FBLN2: variants seen among roughly 807,000 people sequenced by gnomAD.
FBLN2 encodes the protein fibulin 2, also known as fibulin-2.
Under a neutral mutation model 123.7 loss-of-function variants are expected in FBLN2, and 81 were observed. The observed-to-expected ratio is 0.65, with a 90% CI of 0.55 to 0.79. The LOEUF (loss-of-function observed/expected upper bound fraction) is 0.79. FBLN2 is among the 30% of genes least tolerant of loss of function. FBLN2 has a pLI of 0.00. For missense variants in FBLN2, 1,603 were observed against 1,681.3 expected (o/e 0.95, Z 0.81); for synonymous variants, 699 against 701.4 (o/e 1.00, Z 0.05).
Position 13,619,783 on chromosome 3 carries a change from T to C in FBLN2, c.2107T>C (p.Ser703Pro). Residue 703 changes from serine to proline, a missense_variant, in exon 8 of 18, where the codon TCC becomes CCC. Transcript: ENST00000404922. ...CSTVGGSAICSCFPGYAIMAD... is the reference protein window; with the variant it reads ...CSTVGGSAICPCFPGYAIMAD... Reference sequence around the variant, plus strand: ...CACTGTTGGGGGCTCAGCCATATGCTCCTGTTTTCCCGGCTATGCCATCAT... The same window carrying C: ...CACTGTTGGGGGCTCAGCCATATGCCCCTGTTTTCCCGGCTATGCCATCAT... 1 of 1,613,038 alleles carries C rather than the reference T, an allele frequency of 6.2e-7. No individual in the cohort carries two copies. Among genetic ancestry groups the C allele is most frequent in the Non-Finnish European group, 8.5e-7 (1 of 1,179,444 alleles).
intron 2 of FBLN2, among the ~76,000 whole-genome samples, chr3:13,600,076 A>C (rs900547458): frequency 1.8e-5 from 2 of 113,336 alleles, no homozygotes; most frequent in Non-Finnish European, 3.5e-5. Context: ...AGAGAGAGAG[A>C]GAGAGCGCCA....
rs1339146776 is a variant in FBLN2 at position 13,568,494 on chromosome 3, C to T, written c.-41-1821C>T. Reference sequence around the variant, plus strand: ...TGCACTGGAGAGTCCCAGGCTCCAGCGCTTACAGGCACGCCCAGAGGCCCT... The same window carrying T: ...TGCACTGGAGAGTCCCAGGCTCCAGTGCTTACAGGCACGCCCAGAGGCCCT... On this transcript the variant is annotated intron_variant, in intron 1 of 17. Coordinates refer to ENST00000404922, the MANE Select transcript of FBLN2 (RefSeq NM_001004019.2). Among the ~76,000 whole-genome samples the T allele has an allele frequency of 7.2e-5, 11 of 152,324 alleles. 1 individual carries two copies. The highest frequency in any genetic ancestry group is 1.9e-4 in the East Asian group (1 of 5,162).
intron 14 of FBLN2, 133 bp from the exon 15 acceptor site, chr3:13,630,566 G>C (rs1706221230): frequency 1.5e-6 from 1 of 664,548 alleles, no homozygotes; most frequent in African/African-American, 1.8e-5. Flanking sequence ...CCTGGCAGGA[G>C]AGCTGGCCCT....
chr3:13,580,137 T>C (rs1433668996), intron 2 of FBLN2, among the ~76,000 whole-genome samples: 1 of 152,154 alleles, frequency 6.6e-6, no homozygotes, highest in African/African-American at 2.4e-5. Context: ...GCTGGGGGCA[T>C]TGGGGTTGTT....
intron 1 of FBLN2, among the ~76,000 whole-genome samples, chr3:13,559,378 A>G (rs1703549372): frequency 6.6e-6 from 1 of 151,672 alleles, no homozygotes; most frequent in African/African-American, 2.4e-5. Context: ...TTTTATGAGC[A>G]GGTGCCAGCC....
At position 13,632,322 on chromosome 3, in the gene FBLN2, C is replaced by G. The variant is rs773011924; in HGVS notation, c.3214+865C>G. Among the ~76,000 whole-genome samples the G allele has an allele frequency of 2.4e-4, 36 of 152,224 alleles. 1 individual carries two copies. Among genetic ancestry groups the G allele is most frequent in the Non-Finnish European group, 4.4e-4 (30 of 68,042 alleles). ...TCAGACCTCCTCCTGACTTCAGTGG[C>G]CAGGTCTTCCTCACACATGGAGCTG... On this transcript the variant is annotated intron_variant, in intron 16 of 17. Transcript: ENST00000404922.
rs368396364 is a variant in FBLN2, at chr3:13,570,907, C to T, written c.552C>T (p.Ala184=). 15 of 1,612,774 alleles carry T rather than the reference C, an allele frequency of 9.3e-6. No individual in the cohort carries two copies. Among genetic ancestry groups the T allele is most frequent in the Middle Eastern group, 1.6e-4 (1 of 6,062 alleles). ...GTTGCCACGGGAACTTCTCAGATGC[C>T]GAGGAGGGTGACCCCGAGCGACACT... The part of the protein sequence containing the change: ...LPGCHGNFSD[A]EEGDPERHYE... Residue 184 remains alanine, a synonymous_variant, in exon 2 of 18, where the codon GCC becomes GCT. Transcript: ENST00000404922.
chr3:13,612,295 CTTTCTTTCTTTCTT>C (rs1158838341), intron 4 of FBLN2, among the ~76,000 whole-genome samples: 6 of 9,552 alleles, frequency 6.3e-4, no homozygotes, highest in Non-Finnish European at 1.3e-3. Context: ...TTTTATTTTC[CTTTCTTTCTTTCTT>C]TCTTTCTTTC....
chr3:13,620,355 A>AGCAAT (rs1350844045), intron 8 of FBLN2, among the ~76,000 whole-genome samples: 3 of 152,290 alleles, frequency 2.0e-5, no homozygotes, highest in Admixed American at 1.3e-4. Context: ...GGGAAGGGGA[A>AGCAAT]GCAATGCCGG....
chr3:13,561,588 C>T (rs1703608309), intron 1 of FBLN2, among the ~76,000 whole-genome samples: 1 of 152,220 alleles, frequency 6.6e-6, no homozygotes, highest in Non-Finnish European at 1.5e-5. Flanking sequence ...CAGATCTTTG[C>T]ATGGCCACCA....
chr3:13,634,629 G>A (rs1706390748), intron 16 of FBLN2, among the ~76,000 whole-genome samples: 1 of 152,258 alleles, frequency 6.6e-6, no homozygotes. Flanking sequence ...CCACCCGGTT[G>A]GGCTCTACCC....
intron 7 of FBLN2, 22 bp from the exon 8 acceptor site, chr3:13,619,708 A>C (rs762570540): frequency 6.2e-7 from 1 of 1,608,482 alleles, no homozygotes; most frequent in Admixed American, 1.7e-5. Flanking sequence ...GTGGTCTCTG[A>C]TTTCTGTGTG....
Position 13,573,010 on chromosome 3 carries a change from G to A in FBLN2, c.1306+1349G>A, listed in dbSNP as rs77163414. ...GCTTCAGGAGTCCTCTAGCAAACAG[G>A]TTAATCTGGGTGGATAACCCTGTGC... On this transcript the variant is annotated intron_variant, in intron 2 of 17. Transcript: ENST00000404922. 9.7e-3 allele frequency among the ~76,000 whole-genome samples: 1,480 copies of A among 152,250 alleles called. 30 individuals carry two copies. The highest frequency in any genetic ancestry group is 0.034 in the African/African-American group (1,420 of 41,544).
chr3:13,603,631 T>C (rs1392641656), intron 2 of FBLN2, among the ~76,000 whole-genome samples: 1 of 152,196 alleles, frequency 6.6e-6, no homozygotes, highest in African/African-American at 2.4e-5. Context: ...TAATCCAGTC[T>C]ATCATTGATG....
chr3:13,618,148 C>T lies in FBLN2; in HGVS notation c.1802C>T (p.Pro601Leu), dbSNP rs767840890. ...GTEAELPNSL[P>L]GDDQDECLLL... is the part of the protein sequence containing the mutation. ...GAGGCCGAGCTGCCGAACAGCCTGC[C>T]GGGCGATGACCAGGATGAGTGCCTT... Residue 601 changes from proline (P) to leucine (L), a missense_variant, in exon 6 of 18, where the codon CCG (proline) becomes CTG (leucine). Transcript: ENST00000404922. 3.7e-5 allele frequency: 60 copies of T among 1,613,602 alleles called. No homozygotes were observed. Among genetic ancestry groups the T allele is most frequent in the Middle Eastern group, 3.3e-4 (2 of 6,084 alleles).
intron 2 of FBLN2, among the ~76,000 whole-genome samples, chr3:13,607,319 A>AG (rs1325302780): frequency 1.3e-5 from 2 of 151,940 alleles, no homozygotes; most frequent in African/African-American, 4.8e-5. Context: ...GCTTGAGAAA[A>AG]AAAAATGTTA....
intron 9 of FBLN2, among the ~76,000 whole-genome samples, chr3:13,624,821 A>G (rs1220972015): frequency 6.6e-6 from 1 of 152,262 alleles, no homozygotes; most frequent in African/African-American, 2.4e-5. Flanking sequence ...ATGGATAAGC[A>G]GGGGACTAGT....
At chr3:13,609,439 C>T in intron 3 of FBLN2, 74 bp from the exon 4 acceptor site, 1 of 1,465,122 alleles carries the variant, frequency 6.8e-7, no homozygotes, top group Non-Finnish European at 9.1e-7. Flanking sequence ...CTTCCCTCCT[C>T]TGAGCCTCAC....
chr3:13,575,113 C>T (rs1371814023), intron 2 of FBLN2, among the ~76,000 whole-genome samples: 1 of 152,202 alleles, frequency 6.6e-6, no homozygotes, highest in Non-Finnish European at 1.5e-5. Flanking sequence ...TCTAATTGCT[C>T]AGCAAGTCCT....
Sources: gnomAD v4.1 joint callset for allele counts (sites outside exome capture counted in the v4.1 genomes callset) on GRCh38, gnomAD v4.1.1 for gene constraint, MANE v1.5 for transcripts, NCBI Gene and HGNC (gene_info 2026-07-23, HGNC 2026-07-21) for gene names.